Variants in MYO6 observed in about 807,000 individuals in gnomAD.
MYO6 encodes the protein unconventional myosin-VI.
A neutral mutation model predicts 178.7 loss-of-function variants in MYO6; 74 were observed. That is an observed-to-expected ratio of 0.41 (90% CI 0.34 to 0.50). The LOEUF is 0.50. Ranked by LOEUF, MYO6 falls within the 20% of genes least tolerant of loss-of-function variation. MYO6 has a pLI of 0.09. For missense variants in MYO6, 1,330 were observed against 1,547.4 expected, an observed-to-expected ratio of 0.86 and a Z score of 2.36; for synonymous variants, 477 against 504.6, an observed-to-expected ratio of 0.95 and a Z score of 0.73.
chr6:75,829,603 C>G (rs1772859515), intron 4 of MYO6, among the ~76,000 whole-genome samples: 1 of 150,916 alleles, frequency 6.6e-6, no homozygotes. Flanking sequence ...TTGCCATCTT[C>G]TAGTTATATG....
At chr6:75,786,092 G>T (rs558459943) in intron 1 of MYO6, among the ~76,000 whole-genome samples, 14 of 151,652 alleles carry the variant, frequency 9.2e-5, no homozygotes, top group African/African-American at 1.9e-4. Context: ...AATTTTTTTT[G>T]TGTGTGTGTT....
intron 1 of MYO6, among the ~76,000 whole-genome samples, chr6:75,786,847 G>T (rs1424494198): frequency 1.3e-5 from 2 of 152,146 alleles, no homozygotes; most frequent in Non-Finnish European, 2.9e-5. Flanking sequence ...ACACTTCAGT[G>T]TGTATTTCTT....
intron 15 of MYO6, 43 bp downstream of exon 15, chr6:75,861,138 G>A (rs931530846): frequency 3.6e-6 from 5 of 1,406,958 alleles, no homozygotes; most frequent in African/African-American, 2.8e-5. Context: ...ATAGGAAGAT[G>A]TAGTGAATGT....
At chr6:75,798,380 A>G (rs1181404799) in intron 1 of MYO6, among the ~76,000 whole-genome samples, 2 of 152,118 alleles carry the variant, frequency 1.3e-5, no homozygotes, top group Non-Finnish European at 2.9e-5. Context: ...TGGTTACTGT[A>G]GCCTTCCGTA....
chr6:75,866,432 A>C, intron 16 of MYO6, 94 bp from the exon 17 acceptor site: 1 of 1,001,496 alleles, frequency 1.0e-6, no homozygotes, highest in Non-Finnish European at 1.6e-6. Flanking sequence ...TTCCTGTATA[A>C]TTTTAAGTGT....
intron 19 of MYO6, 54 bp downstream of exon 19, chr6:75,870,739 T>A: frequency 7.1e-7 from 1 of 1,414,482 alleles, no homozygotes. Context: ...AAACTATTAT[T>A]AGTAATTATG....
chr6:75,836,106 A>G, intron 7 of MYO6, 150 bp downstream of exon 7: 1 of 702,210 alleles, frequency 1.4e-6, no homozygotes. Context: ...TATTTACCTA[A>G]TATCAATTGT....
intron 1 of MYO6, among the ~76,000 whole-genome samples, chr6:75,754,835 T>G (rs576447281): frequency 7.9e-4 from 121 of 152,342 alleles, no homozygotes; most frequent in African/African-American, 2.6e-3. Flanking sequence ...TTTTATTGCT[T>G]TAAAATATTT....
chr6:75,815,765 GAAACTACACCTGAGAGCATCCACAT>G (rs1456399387), intron 1 of MYO6, among the ~76,000 whole-genome samples: 1 of 152,196 alleles, frequency 6.6e-6, no homozygotes, highest in East Asian at 1.9e-4. Flanking sequence ...TGACTTTCAT[GAAACTACACCTGAGAGCATCCACAT>G]GAGGATCCAC....
intron 9 of MYO6, among the ~76,000 whole-genome samples, chr6:75,843,367 T>C (rs548741070): frequency 3.3e-4 from 51 of 152,348 alleles, no homozygotes; most frequent in African/African-American, 1.2e-3. Context: ...GGTTTAAAAA[T>C]GTTTGCATTT....
chr6:75,832,851 C>T lies in MYO6; in HGVS notation c.401C>T (p.Ala134Val). 6.2e-7 allele frequency: 1 copy of T among 1,611,238 alleles called. No homozygotes were observed. The highest frequency in any genetic ancestry group is 8.5e-7 in the Non-Finnish European group (1 of 1,177,458). ...PPHVFAIADK[A>V]FRDMKVLKMS... is the part of the protein sequence containing the mutation. ...CTTATTTTGACCCTAGCTGATAAAGCTTTTCGAGACATGAAGGTGCTCAAG... is the reference window on the plus strand; with the variant it reads ...CTTATTTTGACCCTAGCTGATAAAGTTTTTCGAGACATGAAGGTGCTCAAG... The change falls in exon 6 of 35, where the codon GCT becomes GTT. Residue 134 changes from alanine (A) to valine (V), a missense_variant. This residue lies in a region of MYO6 where 613 missense variants were observed against 816.8 expected (regional missense o/e 0.75). Transcript: ENST00000369977.
At chr6:75,907,527 G>A (rs549426531) in intron 30 of MYO6, 78 bp from the exon 31 acceptor site, 6 of 1,130,906 alleles carry the variant, frequency 5.3e-6, no homozygotes, top group Non-Finnish European at 6.6e-6. Context: ...TCAAACTTAT[G>A]CATGCTTTCT....
chr6:75,914,975 C>G lies in MYO6; in HGVS notation c.3821C>G (p.Thr1274Ser), dbSNP rs1330608493. The change falls in exon 35 of 35, where the codon ACC becomes AGC. Residue 1274 changes from threonine to serine, a missense_variant. By Grantham distance (58) the Thr-to-Ser change is moderately conservative. This residue lies in a region of MYO6 where 601 missense variants were observed against 626.1 expected (regional missense o/e 0.96). Transcript: ENST00000369977. ...ATTGAGAGCAGACAGGCTCGGCCCA[C>G]CTATGCAACAGCCATGCTGCAGAGT... Reference protein sequence around the residue: ...NAIESRQARPTYATAMLQSLL... With the variant: ...NAIESRQARPSYATAMLQSLL... The G allele has an allele frequency of 6.2e-7, 1 of 1,613,602 alleles. No homozygotes were observed. The highest frequency in any genetic ancestry group is 8.5e-7 in the Non-Finnish European group (1 of 1,179,978).
intron 1 of MYO6, among the ~76,000 whole-genome samples, chr6:75,795,823 G>A (rs1327594753): frequency 6.6e-6 from 1 of 152,178 alleles, no homozygotes; most frequent in Non-Finnish European, 1.5e-5. Flanking sequence ...GGCAAGTGAT[G>A]AATAGATCTG....
At chr6:75,833,047 C>A in intron 6 of MYO6, 100 bp downstream of exon 6, 1 of 794,674 alleles carries the variant, frequency 1.3e-6, no homozygotes, top group Non-Finnish European at 2.2e-6. Context: ...AATGCAGTGT[C>A]ACCACCACAG....
chr6:75,901,709 C>T (rs1395429546), intron 30 of MYO6, among the ~76,000 whole-genome samples: 1 of 152,032 alleles, frequency 6.6e-6, no homozygotes, highest in Non-Finnish European at 1.5e-5. Flanking sequence ...AATTGAATAC[C>T]CTTTATTTCC....
rs371221932 is a variant in MYO6, at chr6:75,898,443, T to C, written c.3176+32T>C. 3.8e-6 allele frequency: 6 copies of C among 1,563,666 alleles called. No homozygotes were observed. The African/African-American group carries it at 8.1e-5, about 21-fold the overall frequency. On this transcript the variant is annotated intron_variant, in intron 30 of 34. Coordinates refer to ENST00000369977, the MANE Select transcript of MYO6 (RefSeq NM_004999.4). ...GCAGTGTAATTGGGGGAAATAAGTG[T>C]TCACCTCAAAATCATATTTTTAAAT...
intron 1 of MYO6, among the ~76,000 whole-genome samples, chr6:75,817,133 A>C (rs1771340848): frequency 6.6e-6 from 1 of 152,020 alleles, no homozygotes; most frequent in Non-Finnish European, 1.5e-5. Flanking sequence ...GTGAAATCCC[A>C]TCTCTACTAA....
chr6:75,824,292 G>T (rs1772212913), intron 3 of MYO6, among the ~76,000 whole-genome samples: 5 of 152,188 alleles, frequency 3.3e-5, no homozygotes, highest in Admixed American at 3.3e-4. Flanking sequence ...GGTTTCCTTG[G>T]TGATGCCAGA....
Sources: gnomAD v4.1 joint callset for allele counts (sites outside exome capture counted in the v4.1 genomes callset) on GRCh38, gnomAD v4.1.1 for gene constraint, gnomAD v4.1.1 regional missense constraint, MANE v1.5 for transcripts, NCBI Gene and HGNC (gene_info 2026-07-23, HGNC 2026-07-21) for gene names.